Variants in FXN observed in about 807,000 individuals in gnomAD.
FXN encodes the protein frataxin, also known as frataxin, mitochondrial.
FXN carries 14 observed loss-of-function variants against 22.4 expected under a neutral mutation model. That is an observed-to-expected ratio of 0.62 (90% CI 0.41 to 0.98). The LOEUF is 0.98. Ranked by LOEUF, FXN falls within the 50% of genes least tolerant of loss-of-function variation. FXN has a pLI of 0.00. For missense variants in FXN, 267 were observed against 268.4 expected (o/e 0.99, Z 0.04); for synonymous variants, 120 against 114.1 (o/e 1.05, Z -0.33).
intron 2 of FXN, among the ~76,000 whole-genome samples, chr9:69,049,829 A>G (rs961984584): frequency 5.3e-5 from 8 of 152,136 alleles, no homozygotes; most frequent in Non-Finnish European, 1.0e-4. Flanking sequence ...CCCAGCAATC[A>G]CTAATCTACT....
intron 2 of FXN, among the ~76,000 whole-genome samples, chr9:69,052,390 G>A (rs1439337316): frequency 1.3e-5 from 2 of 152,056 alleles, no homozygotes; most frequent in Non-Finnish European, 2.9e-5. Context: ...CTGACCTCAG[G>A]TGAGCCACCT....
intron 1 of FXN, among the ~76,000 whole-genome samples, chr9:69,037,468 AAAT>A (rs141487033): frequency 2.6e-5 from 4 of 151,416 alleles, no homozygotes; most frequent in Admixed American, 2.0e-4. Flanking sequence ...CCGTCTCAAA[AAAT>A]AATAATAATA....
At chr9:69,049,886 T>C (rs2133106617) in intron 2 of FXN, among the ~76,000 whole-genome samples, 1 of 152,280 alleles carries the variant, frequency 6.6e-6, no homozygotes, top group Admixed American at 6.5e-5. Flanking sequence ...AAAAATAGTA[T>C]CTATAAGGAA....
In FXN at chr9:69,037,141, T is replaced by C. The variant is rs1005208282; in HGVS notation, c.165+1194T>C. On this transcript the variant is annotated intron_variant, in intron 1 of 4. Coordinates refer to ENST00000484259, the MANE Select transcript of FXN (RefSeq NM_000144.5). ...GTTAGGACTTAGAAAATGGATTTCC[T>C]GGCAGGACGCGGTGGCTCATGCCCA... Among the ~76,000 whole-genome samples the C allele has an allele frequency of 4.0e-5, 6 of 151,838 alleles. No individual in the cohort carries two copies. The East Asian group carries it at 1.2e-3, about 29-fold the overall frequency.
Position 69,078,662 on chromosome 9 carries a change from C to CA in FXN, c.*5901dup, listed in dbSNP as rs1168934800. On this transcript the variant is annotated 3_prime_UTR_variant, in exon 5 of 5. Coordinates refer to ENST00000484259, the MANE Select transcript of FXN (RefSeq NM_000144.5). ...TTTGACTCCAGCAATCCCAAATCCC[C>CA]AGATCCCTAAGTGTGCTGTGCTATT... 13 of 977,570 alleles carry CA rather than the reference C, an allele frequency of 1.3e-5. No individual in the cohort carries two copies. Among genetic ancestry groups the CA allele is most frequent in the Non-Finnish European group, 1.4e-5 (12 of 828,366 alleles). The allele number at this position is 977,570 out of a possible 1,614,324, so 60.6% of individuals were successfully genotyped here. A position where few individuals can be genotyped will look rare whatever the true frequency, so the allele number is the denominator to read the frequency against.
chr9:69,040,538 G>A (rs1831638419), intron 1 of FXN, among the ~76,000 whole-genome samples: 1 of 151,966 alleles, frequency 6.6e-6, no homozygotes, highest in Admixed American at 6.6e-5. Context: ...CGTGGTGACG[G>A]GTGCCTGTAG....
At chr9:69,047,315 T>C (rs1831773160) in intron 2 of FXN, among the ~76,000 whole-genome samples, 1 of 137,972 alleles carries the variant, frequency 7.2e-6, no homozygotes, top group Non-Finnish European at 1.6e-5. Flanking sequence ...AATGGCTTCT[T>C]CTGATCTACA....
intron 3 of FXN, 152 bp downstream of exon 3, chr9:69,053,412 A>C (rs1831891098): frequency 1.1e-6 from 1 of 907,582 alleles, no homozygotes; most frequent in Non-Finnish European, 1.7e-6. Context: ...TGAAGGTTGC[A>C]GTGAGCCAAA....
chr9:69,047,927 A>G (rs1456788697), intron 2 of FXN, among the ~76,000 whole-genome samples: 1 of 152,122 alleles, frequency 6.6e-6, no homozygotes, highest in African/African-American at 2.4e-5. Flanking sequence ...CATGTTGGCC[A>G]GGCTGGTCTT....
At chr9:69,068,426 C>T (rs1232128707) in intron 4 of FXN, among the ~76,000 whole-genome samples, 5 of 152,152 alleles carry the variant, frequency 3.3e-5, no homozygotes, top group African/African-American at 9.7e-5. Context: ...TTGTTTGAGA[C>T]GGAACACCCC....
At position 69,074,421 on chromosome 9, in the gene FXN, G is replaced by A. The variant is rs1832329700; in HGVS notation, c.*1659G>A. On this transcript the variant is annotated 3_prime_UTR_variant, in exon 5 of 5. Transcript: ENST00000484259. ...TGGTGGCGTGCACCTGTAATCCCAG[G>A]TACTCAGGAGGCTGAGACGGGAGAA... The A allele has an allele frequency of 1.0e-6, 1 of 980,826 alleles. No individual in the cohort carries two copies. The highest frequency in any genetic ancestry group is 1.2e-6 in the Non-Finnish European group (1 of 826,064). 60.8% of individuals were successfully genotyped at this position (980,826 alleles called of 1,614,324 possible).
chr9:69,053,006 A>T, intron 2 of FXN, 134 bp from the exon 3 acceptor site: 8 of 995,832 alleles, frequency 8.0e-6, no homozygotes, highest in Non-Finnish European at 8.4e-6. Context: ...AAAAAAAAAA[A>T]GAAAGAAAAA....
intron 3 of FXN, among the ~76,000 whole-genome samples, chr9:69,061,551 G>A (rs1318651900): frequency 6.6e-6 from 1 of 151,774 alleles, no homozygotes; most frequent in African/African-American, 2.4e-5. Flanking sequence ...TAAGTGTTAG[G>A]GTACATGTGC....
At chr9:69,047,918 ATG>A (rs749944693) in intron 2 of FXN, among the ~76,000 whole-genome samples, 1 of 152,048 alleles carries the variant, frequency 6.6e-6, no homozygotes, top group Non-Finnish European at 1.5e-5. Context: ...GGGTTTCACC[ATG>A]TTGGCCAGGC....
intron 3 of FXN, among the ~76,000 whole-genome samples, chr9:69,058,729 T>G (rs1832009001): frequency 6.6e-6 from 1 of 152,016 alleles, no homozygotes; most frequent in Non-Finnish European, 1.5e-5. Flanking sequence ...TGGAGAGGAT[T>G]TAGGATTTAT....
At chr9:69,061,823 A>C (rs1832079624) in intron 3 of FXN, among the ~76,000 whole-genome samples, 1 of 152,052 alleles carries the variant, frequency 6.6e-6, no homozygotes, top group South Asian at 2.1e-4. Flanking sequence ...GATGATTTCC[A>C]GTTTCATCCA....
intron 1 of FXN, among the ~76,000 whole-genome samples, chr9:69,040,684 A>T (rs957147941): frequency 1.3e-5 from 2 of 152,142 alleles, no homozygotes; most frequent in African/African-American, 4.8e-5. Flanking sequence ...AAAAATAAAT[A>T]AATAAATAAA....
Position 69,074,659 on chromosome 9 carries a change from G to C in FXN, c.*1897G>C. Reference sequence around the variant, plus strand: ...ATATACCTATAGTCCCAGCTGCACAGGAGGCTGAGACAGGAGGATTGCTTG... The same window carrying C: ...ATATACCTATAGTCCCAGCTGCACACGAGGCTGAGACAGGAGGATTGCTTG... On this transcript the variant is annotated 3_prime_UTR_variant, in exon 5 of 5. Coordinates refer to ENST00000484259, the MANE Select transcript of FXN (RefSeq NM_000144.5). 1.0e-6 allele frequency: 1 copy of C among 982,666 alleles called. No homozygotes were observed. The highest frequency in any genetic ancestry group is 1.2e-6 in the Non-Finnish European group (1 of 827,450). 60.9% of individuals were successfully genotyped at this position (982,666 alleles called of 1,614,324 possible).
At chr9:69,064,870 A>G (rs1832140535) in intron 3 of FXN, 68 bp from the exon 4 acceptor site, 2 of 885,782 alleles carry the variant, frequency 2.3e-6, no homozygotes, top group African/African-American at 1.6e-5. Flanking sequence ...ACATGAAGCA[A>G]TGATGACAAA....
Sources: allele counts gnomAD v4.1 joint callset (sites outside exome capture counted in the v4.1 genomes callset), GRCh38; gene constraint gnomAD v4.1.1; transcripts MANE v1.5; gene names NCBI Gene and HGNC (gene_info 2026-07-23, HGNC 2026-07-21).